The following TTC6 variants were observed in gnomAD, a reference collection of about 807,000 sequenced individuals.
The protein encoded by TTC6 is tetratricopeptide repeat domain 6.
In TTC6, 172 loss-of-function variants were observed where a neutral mutation model predicts 210.4. That is an observed-to-expected ratio of 0.82 (90% CI 0.72 to 0.93). The LOEUF is 0.93. Ranked by LOEUF, TTC6 falls within the 40% of genes least tolerant of loss-of-function variation. TTC6 has a pLI of 0.00. For missense variants in TTC6, 2,414 were observed against 2,318.1 expected, an observed-to-expected ratio of 1.04 and a Z score of -0.85; for synonymous variants, 804 against 819.6, an observed-to-expected ratio of 0.98 and a Z score of 0.32.
chr14:37,724,936 T>G, exon 7 of TTC6: 3 of 1,529,572 alleles, frequency 2.0e-6, no homozygotes, highest in Non-Finnish European at 2.6e-6. Context: ...TGTTTTGGAA[T>G]ACAGCTGCAC....
At chr14:37,794,631 A>G (rs2096088148) in intron 17 of TTC6, among the ~76,000 whole-genome samples, 1 of 151,108 alleles carries the variant, frequency 6.6e-6, no homozygotes, top group Non-Finnish European at 1.5e-5. Flanking sequence ...TGTTATATTC[A>G]TTCATTCATT....
intron 5 of TTC6, among the ~76,000 whole-genome samples, chr14:37,708,566 A>C (rs1000557563): frequency 1.3e-5 from 2 of 151,992 alleles, no homozygotes; most frequent in Non-Finnish European, 2.9e-5. Context: ...GTATTTGTGA[A>C]AGGCCATTTT....
At chr14:37,713,821 G>A (rs1381400632) in intron 5 of TTC6, among the ~76,000 whole-genome samples, 2 of 151,944 alleles carry the variant, frequency 1.3e-5, no homozygotes, top group Non-Finnish European at 2.9e-5. Context: ...AAATCAGTTG[G>A]GTTTTTGTAT....
intron 24 of TTC6, among the ~76,000 whole-genome samples, chr14:37,809,973 C>T (rs918443871): frequency 5.3e-5 from 8 of 152,144 alleles, no homozygotes; most frequent in East Asian, 1.9e-4. Flanking sequence ...GTCACATTCC[C>T]GCTGTTCTGT....
intron 1 of TTC6, among the ~76,000 whole-genome samples, chr14:37,656,138 G>C (rs2095722416): frequency 6.6e-6 from 1 of 152,158 alleles, no homozygotes; most frequent in Admixed American, 6.5e-5. Flanking sequence ...TGAACACTTT[G>C]ATTGGAGTGA....
At position 37,823,743 on chromosome 14, in the gene TTC6, G is replaced by T; in HGVS notation, c.4764-4G>T. 1 of 1,611,646 alleles carries T rather than the reference G, an allele frequency of 6.2e-7. No individual in the cohort carries two copies. Among genetic ancestry groups the T allele is most frequent in the East Asian group, 2.2e-5 (1 of 44,820 alleles). The stretch of plus-strand genomic sequence containing the variant: ...AAGGCATCAATATTTTTATTTATTT[G>T]CAGAATTAATGAGTTTGAAGAAGCT... On this transcript the variant is annotated splice_polypyrimidine_tract_variant and splice_region_variant and intron_variant, in intron 26 of 30. Coordinates refer to ENST00000553443, the Ensembl canonical transcript of TTC6.
At chr14:37,668,260 A>T (rs2095752040) in intron 1 of TTC6, among the ~76,000 whole-genome samples, 1 of 150,392 alleles carries the variant, frequency 6.6e-6, no homozygotes, top group East Asian at 1.9e-4. Flanking sequence ...TTTCCTTCTA[A>T]TCTATTCACC....
chr14:37,836,640 T>A (rs1032249403), intron 29 of TTC6, among the ~76,000 whole-genome samples: 1 of 152,190 alleles, frequency 6.6e-6, no homozygotes, highest in Non-Finnish European at 1.5e-5. Context: ...ACTGTATGCC[T>A]GAGCTTTACA....
intron 29 of TTC6, among the ~76,000 whole-genome samples, chr14:37,840,590 C>T (rs185253036): frequency 7.9e-5 from 12 of 152,098 alleles, no homozygotes; most frequent in Non-Finnish European, 1.6e-4. Flanking sequence ...ATAGATGCGA[C>T]AATCCTCAAT....
At chr14:37,669,771 T>A (rs1255524623) in intron 1 of TTC6, among the ~76,000 whole-genome samples, 1 of 152,190 alleles carries the variant, frequency 6.6e-6, no homozygotes. Flanking sequence ...ATATAATTCC[T>A]TGGACTTAGA....
intron 22 of TTC6, 54 bp downstream of exon 24, chr14:37,806,564 A>G (rs2096118964): frequency 1.4e-6 from 2 of 1,421,806 alleles, no homozygotes; most frequent in Non-Finnish European, 1.9e-6. Flanking sequence ...TGGTAAAACT[A>G]TTAAATCTTT....
chr14:37,638,259 A>C lies in TTC6; in HGVS notation c.939+15256A>C, dbSNP rs558923052. ...TATAATGTTCTTTCTTTTCTTTTTT[A>C]TTTTTATTTTTTTGAGATGGATTCT... On this transcript the variant is annotated intron_variant, in intron 1 of 30. Coordinates refer to ENST00000553443, the Ensembl canonical transcript of TTC6. Among the ~76,000 whole-genome samples, 436 of 151,946 alleles carry C rather than the reference A, an allele frequency of 2.9e-3. 1 individual carries two copies. The highest frequency in any genetic ancestry group is 4.4e-3 in the Non-Finnish European group (302 of 67,908).
chr14:37,820,218 C>G (rs566663862), intron 26 of TTC6, among the ~76,000 whole-genome samples: 1 of 152,258 alleles, frequency 6.6e-6, no homozygotes, highest in South Asian at 2.1e-4. Flanking sequence ...GTGCAGGAGG[C>G]TGGGAAGCCT....
intron 1 of TTC6, among the ~76,000 whole-genome samples, chr14:37,657,841 A>G (rs1196134179): frequency 6.6e-6 from 1 of 152,218 alleles, no homozygotes; most frequent in Non-Finnish European, 1.5e-5. Context: ...TATTACATAA[A>G]GGAGAGAGTT....
chr14:37,661,443 T>C (rs2095737183), intron 1 of TTC6, among the ~76,000 whole-genome samples: 1 of 152,216 alleles, frequency 6.6e-6, no homozygotes, highest in South Asian at 2.1e-4. Flanking sequence ...TTCTCATTGC[T>C]TGTTTTTGTA....
intron 1 of TTC6, among the ~76,000 whole-genome samples, chr14:37,631,777 A>G (rs916152346): frequency 6.6e-6 from 1 of 152,130 alleles, no homozygotes; most frequent in African/African-American, 2.4e-5. Context: ...GTCTTTTCAC[A>G]TAGTCCCGTA....
chr14:37,779,633 G>A (rs193142680), intron 14 of TTC6, among the ~76,000 whole-genome samples: 48 of 152,220 alleles, frequency 3.2e-4, no homozygotes, highest in African/African-American at 1.2e-3. Flanking sequence ...GGAATAACTT[G>A]CCTCTAAAAT....
intron 14 of TTC6, among the ~76,000 whole-genome samples, chr14:37,763,497 C>T (rs2095990465): frequency 1.3e-5 from 2 of 152,088 alleles, no homozygotes; most frequent in Admixed American, 1.3e-4. Flanking sequence ...ATGATCTATT[C>T]AGGCTTTCTA....
At chr14:37,671,695 T>A (rs555736468) in intron 1 of TTC6, among the ~76,000 whole-genome samples, 1 of 152,276 alleles carries the variant, frequency 6.6e-6, no homozygotes, top group South Asian at 2.1e-4. Context: ...TCCTCAGTGA[T>A]ATGATTTGGC....
Sources: gnomAD v4.1 joint callset for allele counts (sites outside exome capture counted in the v4.1 genomes callset) on GRCh38, gnomAD v4.1.1 for gene constraint, MANE v1.5 for transcripts, NCBI Gene and HGNC (gene_info 2026-07-23, HGNC 2026-07-21) for gene names.